The following IMMP2L variants were observed in gnomAD, a reference collection of about 807,000 sequenced individuals.
IMMP2L encodes the protein inner mitochondrial membrane peptidase subunit 2, also known as mitochondrial inner membrane protease subunit 2.
In IMMP2L, 18 loss-of-function variants were observed where a neutral mutation model predicts 19.3. The observed-to-expected ratio is 0.93, with a 90% confidence interval of 0.64 to 1.38. The LOEUF (loss-of-function observed/expected upper bound fraction) is 1.38, where lower values mean the gene tolerates loss of function less well. IMMP2L is among the 40% of genes most tolerant of loss of function. IMMP2L has a pLI of 0.00. For missense variants in IMMP2L, 233 were observed against 218.2 expected, an observed-to-expected ratio of 1.07 and a Z score of -0.43; for synonymous variants, 76 against 73.0, an observed-to-expected ratio of 1.04 and a Z score of -0.21.
chr7:111,520,972 C>T (rs1412194549), intron 2 of IMMP2L, among the ~76,000 whole-genome samples: 1 of 152,108 alleles, frequency 6.6e-6, no homozygotes, highest in Admixed American at 6.6e-5. Context: ...CTTGCAACTA[C>T]ACTAATAATT....
chr7:111,298,467 G>A (rs925362543), intron 3 of IMMP2L, among the ~76,000 whole-genome samples: 1 of 152,044 alleles, frequency 6.6e-6, no homozygotes, highest in African/African-American at 2.4e-5. Context: ...TAAAACAGCT[G>A]GGCCAAGCAC....
At chr7:111,040,386 C>G (rs1461994154) in intron 3 of IMMP2L, among the ~76,000 whole-genome samples, 1 of 152,048 alleles carries the variant, frequency 6.6e-6, no homozygotes, top group Non-Finnish European at 1.5e-5. Flanking sequence ...ATATTGAAAA[C>G]TTTATTCAAA....
At position 110,727,952 on chromosome 7, in the gene IMMP2L, T is replaced by G. The variant is rs1439607268; in HGVS notation, c.409-64231A>C. On this transcript the variant is annotated intron_variant, in intron 5 of 5. Coordinates refer to ENST00000405709, the MANE Select transcript of IMMP2L (RefSeq NM_032549.4). The surrounding 1 kb of genome is among the most constrained non-coding windows in gnomAD (Gnocchi z 4.3). ...GCTCTGCATTGCATACCCACACACA[T>G]GTAATTCTGCTCACTTCTGTTAACA... Among the ~76,000 whole-genome samples, 3 of 152,202 alleles carry G rather than the reference T, an allele frequency of 2.0e-5. No individual in the cohort carries two copies. Among genetic ancestry groups the G allele is most frequent in the Admixed American group, 1.3e-4 (2 of 15,274 alleles).
chr7:111,354,057 G>A (rs1029197638), intron 3 of IMMP2L, among the ~76,000 whole-genome samples: 1 of 151,874 alleles, frequency 6.6e-6, no homozygotes, highest in African/African-American at 2.4e-5. Flanking sequence ...ATAAAGAGTA[G>A]AACATCAAGC....
At chr7:110,741,664 G>T (rs954513384) in intron 5 of IMMP2L, among the ~76,000 whole-genome samples, 2 of 152,076 alleles carry the variant, frequency 1.3e-5, no homozygotes, top group African/African-American at 4.8e-5. Context: ...AAGGTATTTT[G>T]TTGCAGCAGC....
intron 3 of IMMP2L, among the ~76,000 whole-genome samples, chr7:110,973,455 T>A (rs1820361161): frequency 6.6e-6 from 1 of 152,094 alleles, no homozygotes; most frequent in Admixed American, 6.6e-5. Context: ...CCTGCTATTT[T>A]TAGTTGACTG....
At chr7:110,821,898 G>T (rs546555321) in intron 5 of IMMP2L, among the ~76,000 whole-genome samples, 1 of 152,134 alleles carries the variant, frequency 6.6e-6, no homozygotes, top group East Asian at 1.9e-4. Context: ...ACTCCAGCCT[G>T]GTGACAGAGC....
intron 3 of IMMP2L, among the ~76,000 whole-genome samples, chr7:111,170,502 A>G (rs1023405994): frequency 2.6e-5 from 4 of 151,898 alleles, no homozygotes; most frequent in Non-Finnish European, 4.4e-5. Flanking sequence ...AGTTTAGGCC[A>G]ATACCCTTAA....
At chr7:111,372,518 G>A (rs545345303) in intron 3 of IMMP2L, among the ~76,000 whole-genome samples, 1 of 152,024 alleles carries the variant, frequency 6.6e-6, no homozygotes, top group Admixed American at 6.6e-5. Flanking sequence ...ACCTTACAAG[G>A]AAGCAGATAC....
chr7:111,041,815 A>G (rs1165248494), intron 3 of IMMP2L, among the ~76,000 whole-genome samples: 2 of 152,180 alleles, frequency 1.3e-5, no homozygotes, highest in Admixed American at 1.3e-4. Flanking sequence ...CATATAGTAC[A>G]TAGGGATATG....
At chr7:111,015,164 T>C (rs11769641) in intron 3 of IMMP2L, among the ~76,000 whole-genome samples, 41,607 of 151,994 alleles carry the variant, frequency 0.27, 6,824 homozygotes, top group East Asian at 0.66. Context: ...AAATGTCCAT[T>C]ACCAGAAGAA....
chr7:111,321,359 G>A (rs1000395572), intron 3 of IMMP2L, among the ~76,000 whole-genome samples: 4 of 151,842 alleles, frequency 2.6e-5, no homozygotes, highest in Non-Finnish European at 5.9e-5. Flanking sequence ...ATTGCACACT[G>A]ATTAAATAAA....
chr7:111,401,418 T>A (rs1833410984), intron 3 of IMMP2L, among the ~76,000 whole-genome samples: 2 of 152,150 alleles, frequency 1.3e-5, no homozygotes, highest in East Asian at 3.9e-4. Context: ...AATATGGTTC[T>A]TTAAAGAAAA....
At chr7:110,869,331 T>G (rs1808310669) in intron 5 of IMMP2L, among the ~76,000 whole-genome samples, 1 of 152,154 alleles carries the variant, frequency 6.6e-6, no homozygotes, top group Non-Finnish European at 1.5e-5. Flanking sequence ...AAAGGGCAGA[T>G]TATACATAAG....
intron 3 of IMMP2L, among the ~76,000 whole-genome samples, chr7:111,086,110 T>C (rs1453027459): frequency 1.3e-5 from 2 of 152,054 alleles, no homozygotes; most frequent in East Asian, 3.9e-4. Flanking sequence ...CATATACCCC[T>C]GAACTTAAAA....
At chr7:111,081,769 G>A (rs1563221919) in intron 3 of IMMP2L, among the ~76,000 whole-genome samples, 1 of 152,174 alleles carries the variant, frequency 6.6e-6, no homozygotes, top group Non-Finnish European at 1.5e-5. Context: ...GGGTGTAGAG[G>A]TGGCAACCTC....
chr7:111,095,520 ACGAT>A (rs1196904809), intron 3 of IMMP2L, among the ~76,000 whole-genome samples: 14 of 152,064 alleles, frequency 9.2e-5, no homozygotes, highest in Non-Finnish European at 1.9e-4. Flanking sequence ...AATAGAAGCA[ACGAT>A]TTATTAAGTA....
intron 3 of IMMP2L, among the ~76,000 whole-genome samples, chr7:111,296,726 T>C (rs1368919849): frequency 6.6e-6 from 1 of 152,032 alleles, no homozygotes; most frequent in Non-Finnish European, 1.5e-5. Flanking sequence ...CAAGAAAGCA[T>C]GCCCATAGAT....
At chr7:111,148,157 T>C (rs1331006730) in intron 3 of IMMP2L, among the ~76,000 whole-genome samples, 1 of 152,068 alleles carries the variant, frequency 6.6e-6, no homozygotes, top group Non-Finnish European at 1.5e-5. Flanking sequence ...ATCTATACAA[T>C]GGAATTTTAT....
Sources: gnomAD v4.1 joint callset for allele counts (sites outside exome capture counted in the v4.1 genomes callset) on GRCh38, gnomAD v4.1.1 for gene constraint, Gnocchi (gnomAD v3.1) non-coding constraint, MANE v1.5 for transcripts, NCBI Gene and HGNC (gene_info 2026-07-23, HGNC 2026-07-21) for gene names.